The following AKAP12 variants were observed in gnomAD, a reference collection of about 807,000 sequenced individuals.
AKAP12 encodes the protein A-kinase anchor protein 12.
AKAP12 carries 32 observed loss-of-function variants against 79.9 expected under a neutral mutation model. That is an observed-to-expected ratio of 0.40 (90% confidence interval 0.30 to 0.54). The LOEUF is 0.54. Among genes scored for constraint, AKAP12 ranks in the 20% least tolerant of loss-of-function variants. The probability of loss-of-function intolerance (pLI) is 0.48; values close to 1 mark genes in which losing one functional copy is unlikely to be tolerated. For synonymous variants in AKAP12, 808 were observed against 857.0 expected (o/e 0.94, Z 1.00); for missense variants, 2,074 against 2,177.0 (o/e 0.95, Z 0.94).
intron 2 of AKAP12, among the ~76,000 whole-genome samples, chr6:151,301,898 A>C (rs1776869745): frequency 6.6e-6 from 1 of 152,168 alleles, no homozygotes; most frequent in African/African-American, 2.4e-5. Flanking sequence ...GTATCTCATA[A>C]TGTATTCATT....
At chr6:151,336,665 C>T (rs1777821503) in intron 3 of AKAP12, among the ~76,000 whole-genome samples, 1 of 152,106 alleles carries the variant, frequency 6.6e-6, no homozygotes, top group African/African-American at 2.4e-5. Flanking sequence ...TTGCTTGAAC[C>T]CAGGAGGTGG....
intron 2 of AKAP12, among the ~76,000 whole-genome samples, chr6:151,275,848 G>A (rs916786252): frequency 5.9e-5 from 9 of 152,132 alleles, no homozygotes; most frequent in Admixed American, 5.2e-4. Flanking sequence ...CTGTTTTTAT[G>A]CTTATTTTTG....
intron 2 of AKAP12, among the ~76,000 whole-genome samples, chr6:151,254,856 A>G (rs553028271): frequency 6.6e-6 from 1 of 152,250 alleles, no homozygotes; most frequent in Non-Finnish European, 1.5e-5. Context: ...TGTGCCTGAT[A>G]AACAATCTCT....
intron 3 of AKAP12, among the ~76,000 whole-genome samples, chr6:151,345,761 C>A (rs910845516): frequency 6.8e-6 from 1 of 147,716 alleles, no homozygotes; most frequent in Non-Finnish European, 1.5e-5. Flanking sequence ...CACATCACTG[C>A]AGCCTGGGTG....
chr6:151,335,165 A>C (rs748005831), intron 3 of AKAP12, among the ~76,000 whole-genome samples: 2 of 152,150 alleles, frequency 1.3e-5, no homozygotes, highest in African/African-American at 2.4e-5. Context: ...AGTTTTGAAG[A>C]CTTTATTCAG....
chr6:151,257,475 T>G (rs909734741), intron 2 of AKAP12, among the ~76,000 whole-genome samples: 6 of 152,102 alleles, frequency 3.9e-5, no homozygotes, highest in African/African-American at 1.4e-4. Flanking sequence ...TTTTGTATTT[T>G]TAGTAGAGAC....
intron 3 of AKAP12, chr6:151,323,678 G>A (rs759501741): frequency 3.0e-5 from 30 of 983,730 alleles, no homozygotes; most frequent in African/African-American, 3.5e-5. Flanking sequence ...GGTATTAAAT[G>A]TGTAACTAGT....
chr6:151,341,620 G>C, intron 3 of AKAP12: 1 of 929,248 alleles, frequency 1.1e-6, no homozygotes, highest in Non-Finnish European at 1.3e-6. Context: ...TGGGCCTCAC[G>C]GGCGGCTGTT....
chr6:151,348,682 CCCA>C, intron 3 of AKAP12, 26 bp from the exon 4 acceptor site: 4 of 198,916 alleles, frequency 2.0e-5, no homozygotes, highest in East Asian at 1.3e-4. Context: ...TTCTCTTCTC[CCCA>C]CCCCCCCGCC....
chr6:151,264,363 C>T (rs111944365), intron 2 of AKAP12, among the ~76,000 whole-genome samples: 9,371 of 143,552 alleles, frequency 0.065, 371 homozygotes, highest in African/African-American at 0.12. Context: ...CAAGACCCCA[C>T]CTCTTAAAAA....
intron 3 of AKAP12, among the ~76,000 whole-genome samples, chr6:151,315,569 T>C (rs1283806437): frequency 6.6e-6 from 1 of 152,196 alleles, no homozygotes; most frequent in African/African-American, 2.4e-5. Context: ...TGAAAATCTT[T>C]TAGGCATTTT....
intron 2 of AKAP12, 81 bp from the exon 3 acceptor site, chr6:151,305,666 G>T: frequency 7.4e-7 from 1 of 1,350,140 alleles, no homozygotes; most frequent in Non-Finnish European, 1.0e-6. Context: ...TCACTGGTTT[G>T]TATTCTGGAA....
intron 2 of AKAP12, among the ~76,000 whole-genome samples, chr6:151,241,259 T>A (rs1252342993): frequency 6.6e-6 from 1 of 152,128 alleles, no homozygotes; most frequent in East Asian, 1.9e-4. Context: ...TACCCAGTCC[T>A]CCTGCGGCAG....
chr6:151,345,932 T>TGTGAGA (rs1349850485), intron 3 of AKAP12, among the ~76,000 whole-genome samples: 161 of 101,420 alleles, frequency 1.6e-3, no homozygotes, highest in Non-Finnish European at 2.7e-3. Flanking sequence ...TGTGTGTGTG[T>TGTGAGA]GAGAGAGAGA....
chr6:151,335,055 A>T (rs2114799656), intron 3 of AKAP12, among the ~76,000 whole-genome samples: 1 of 152,298 alleles, frequency 6.6e-6, no homozygotes. Flanking sequence ...TTGGACAATG[A>T]TTTTATACTC....
intron 3 of AKAP12, among the ~76,000 whole-genome samples, chr6:151,332,040 T>TTG (rs1554331223): frequency 2.9e-5 from 4 of 139,464 alleles, no homozygotes; most frequent in African/African-American, 8.2e-5. Flanking sequence ...TCTGTTTTTT[T>TTG]TTTTTTTTTT....
chr6:151,293,579 A>G lies in AKAP12; in HGVS notation c.163-12168A>G, dbSNP rs531264169. 5.5e-3 allele frequency among the ~76,000 whole-genome samples: 841 copies of G among 152,322 alleles called. 4 individuals carry two copies. The highest frequency in any genetic ancestry group is 8.3e-3 in the Non-Finnish European group (568 of 68,028). ...AGACATTCACGATGCAGGTCATGAC[A>G]CTGGACTATAAAGCTGTAGCTCTAG... On this transcript the variant is annotated intron_variant, in intron 2 of 4. Transcript: ENST00000402676.
intron 2 of AKAP12, among the ~76,000 whole-genome samples, chr6:151,256,589 G>T (rs1376921765): frequency 6.6e-6 from 1 of 152,004 alleles, no homozygotes; most frequent in South Asian, 2.1e-4. Context: ...CTATAAAGAT[G>T]ATTGTATTTT....
At chr6:151,276,815 A>C (rs1562717805) in intron 2 of AKAP12, among the ~76,000 whole-genome samples, 1 of 152,238 alleles carries the variant, frequency 6.6e-6, no homozygotes, top group Non-Finnish European at 1.5e-5. Context: ...TCACCCATTG[A>C]TGCCTCTGTC....
Sources: allele counts gnomAD v4.1 joint callset (sites outside exome capture counted in the v4.1 genomes callset), GRCh38; gene constraint gnomAD v4.1.1; transcripts MANE v1.5; gene names NCBI Gene and HGNC (gene_info 2026-07-23, HGNC 2026-07-21).